IPO7: variants seen among roughly 807,000 people sequenced by gnomAD.
IPO7 encodes importin-7.
IPO7 carries 13 observed loss-of-function variants against 136.4 expected under a neutral mutation model. The observed-to-expected ratio is 0.10, with a 90% CI of 0.06 to 0.15. The LOEUF (loss-of-function observed/expected upper bound fraction) is 0.15. IPO7 is among the 10% of genes least tolerant of loss of function. The pLI, the probability that IPO7 is intolerant of heterozygous loss-of-function variation, is 1.00. For synonymous variants in IPO7, 403 were observed against 404.4 expected, an observed-to-expected ratio of 1.00 and a Z score of 0.04; for missense variants, 857 against 1,240.6, an observed-to-expected ratio of 0.69 and a Z score of 4.65.
At position 9,414,250 on chromosome 11, in the gene IPO7, C is replaced by T. The variant is rs761000496; in HGVS notation, c.480-5C>T. ...TACAGAATTAGTTTGTATTCCTACT[C>T]AAAGGTATAAAAAACCAGAGGAGCG... On this transcript the variant is annotated splice_polypyrimidine_tract_variant and splice_region_variant and intron_variant, in intron 4 of 24. Coordinates refer to ENST00000379719, the MANE Select transcript of IPO7 (RefSeq NM_006391.3). 3.1e-6 allele frequency: 5 copies of T among 1,601,058 alleles called. No homozygotes were observed. The South Asian group carries it at 5.6e-5, about 18-fold the overall frequency.
At chr11:9,411,167 A>G (rs569418719) in intron 4 of IPO7, among the ~76,000 whole-genome samples, 43 of 152,338 alleles carry the variant, frequency 2.8e-4, no homozygotes, top group South Asian at 1.2e-3. Flanking sequence ...CTCCTGTCCC[A>G]TAATCTTAGC....
intron 4 of IPO7, among the ~76,000 whole-genome samples, chr11:9,412,281 A>C (rs1854977489): frequency 6.6e-6 from 1 of 152,198 alleles, no homozygotes; most frequent in Non-Finnish European, 1.5e-5. Context: ...GAAAAAAAAT[A>C]GCTTTTAAAA....
chr11:9,412,080 T>G (rs1216338407), intron 4 of IPO7, among the ~76,000 whole-genome samples: 1 of 152,246 alleles, frequency 6.6e-6, no homozygotes. Context: ...ATTGTTATTT[T>G]GTCAACTCAA....
At chr11:9,440,364 TA>T in intron 22 of IPO7, 90 bp from the exon 23 acceptor site, 1 of 1,004,936 alleles carries the variant, frequency 1.0e-6, no homozygotes, top group Non-Finnish European at 1.5e-6. Flanking sequence ...TTGTGACTTG[TA>T]ATTTACTGAC....
chr11:9,395,778 G>A lies in IPO7; in HGVS notation c.85-7512G>A, dbSNP rs763499014. Among the ~76,000 whole-genome samples, 14 of 150,838 alleles carry A rather than the reference G, an allele frequency of 9.3e-5. 1 individual carries two copies. The highest frequency in any genetic ancestry group is 1.5e-4 in the African/African-American group (6 of 41,024). On this transcript the variant is annotated intron_variant, in intron 1 of 24. Coordinates refer to ENST00000379719, the MANE Select transcript of IPO7 (RefSeq NM_006391.3). ...GTTCCCCAGGCTGAAGTGCAATGGC[G>A]CAATCTCGGCTCACTGCAACCTCTG...
In IPO7 at chr11:9,419,736, T is replaced by A. The variant is rs1855100708; in HGVS notation, c.727-675T>A. 2.0e-5 allele frequency among the ~76,000 whole-genome samples: 3 copies of A among 151,550 alleles called. No homozygotes were observed. In the South Asian group the frequency reaches 6.2e-4, roughly 31 times the overall value. On this transcript the variant is annotated intron_variant, in intron 6 of 24. Coordinates refer to ENST00000379719, the MANE Select transcript of IPO7 (RefSeq NM_006391.3). ...TTTTTTACCATTACAAATAATATGA[T>A]AATTAATATTCTCATACACAAATCG... is the stretch of plus-strand genomic sequence containing the variant.
chr11:9,437,687 A>T, intron 20 of IPO7, 67 bp from the exon 21 acceptor site: 1 of 1,172,544 alleles, frequency 8.5e-7, no homozygotes, highest in East Asian at 2.5e-5. Context: ...CAAAGAAGTT[A>T]ATATTTTTAG....
intron 19 of IPO7, 60 bp from the exon 20 acceptor site, chr11:9,436,211 A>G (rs1855365803): frequency 8.4e-6 from 10 of 1,196,822 alleles, no homozygotes; most frequent in Non-Finnish European, 9.9e-6. Context: ...TGTTTCCTTG[A>G]TTTAGATACC....
Position 9,433,558 on chromosome 11 carries a change from C to G in IPO7, c.1882-12C>G, listed in dbSNP as rs775242618. ...GCTGTAACTGCATATGATTTTTTTT[C>G]TTCTCTTTTAGATAACCCAACAGCT... On this transcript the variant is annotated splice_polypyrimidine_tract_variant and intron_variant, in intron 16 of 24. Coordinates refer to ENST00000379719, the MANE Select transcript of IPO7 (RefSeq NM_006391.3). The G allele has an allele frequency of 1.2e-6, 2 of 1,603,734 alleles. No individual in the cohort carries two copies. Among genetic ancestry groups the G allele is most frequent in the Non-Finnish European group, 1.7e-6 (2 of 1,174,490 alleles).
Position 9,433,806 on chromosome 11 carries a change from A to G in IPO7, c.2034A>G (p.Val678=), listed in dbSNP as rs766318014. ...AGATGTGGCAGCTACTACCCCTTGT[A>G]TTTGAAGTCTTTCAGCAAGATGGCT... is the stretch of plus-strand genomic sequence containing the variant. ...SPQMWQLLPL[V]FEVFQQDGFD... is the part of the protein sequence containing the mutation. Residue 678 remains valine (V), a synonymous_variant, in exon 18 of 25, where the codon GTA becomes GTG. Coordinates refer to ENST00000379719, the MANE Select transcript of IPO7 (RefSeq NM_006391.3). 1.9e-6 allele frequency: 3 copies of G among 1,611,598 alleles called. No individual in the cohort carries two copies. Among genetic ancestry groups the G allele is most frequent in the Admixed American group, 3.3e-5 (2 of 59,990 alleles).
chr11:9,435,336 G>A (rs1203859688), intron 19 of IPO7, among the ~76,000 whole-genome samples: 1 of 152,186 alleles, frequency 6.6e-6, no homozygotes, highest in Non-Finnish European at 1.5e-5. Flanking sequence ...TTTTTGAAAG[G>A]ATTAGGAATG....
intron 8 of IPO7, 32 bp downstream of exon 8, chr11:9,420,730 A>T (rs758507431): frequency 1.4e-6 from 2 of 1,391,236 alleles, no homozygotes; most frequent in Admixed American, 1.7e-5. Flanking sequence ...CTCAGTGGAA[A>T]CATGGCATCT....
At chr11:9,395,533 C>T (rs1393394976) in intron 1 of IPO7, among the ~76,000 whole-genome samples, 1 of 152,168 alleles carries the variant, frequency 6.6e-6, no homozygotes, top group African/African-American at 2.4e-5. Flanking sequence ...GCCACCGCCC[C>T]CGGCCCTCAC....
intron 1 of IPO7, among the ~76,000 whole-genome samples, chr11:9,390,732 G>A (rs1035967050): frequency 6.7e-5 from 10 of 149,186 alleles, no homozygotes; most frequent in Admixed American, 6.0e-4. Context: ...GAAGAGGATC[G>A]CTCGTCCAGG....
intron 8 of IPO7, 143 bp downstream of exon 8, chr11:9,420,841 C>G (rs12418581): frequency 1.7e-6 from 1 of 600,526 alleles, no homozygotes; most frequent in Non-Finnish European, 3.0e-6. Context: ...GTCTCAGGAT[C>G]TCTTTATGTT....
chr11:9,419,545 TA>T (rs1178586532), intron 6 of IPO7, among the ~76,000 whole-genome samples: 9,604 of 91,612 alleles, frequency 0.1, 602 homozygotes, highest in Non-Finnish European at 0.14. Context: ...AGACTCTGTC[TA>T]AAAAAAAAAA....
At chr11:9,437,236 G>A (rs1049184265) in intron 20 of IPO7, among the ~76,000 whole-genome samples, 2 of 150,618 alleles carry the variant, frequency 1.3e-5, no homozygotes, top group Admixed American at 1.3e-4. Context: ...ATATCATCGT[G>A]AGCTTTTATT....
chr11:9,442,098 C>G lies in IPO7; in HGVS notation c.2920C>G (p.Pro974Ala). The G allele has an allele frequency of 6.3e-7, 1 of 1,578,820 alleles. No homozygotes were observed. The highest frequency in any genetic ancestry group is 8.7e-7 in the Non-Finnish European group (1 of 1,149,226). ...AIFQTIQNRN[P>A]VWYQALTHGL... ...TTTGATAGCTATTCAAAATCGTAAT[C>G]CTGTGTGGTATCAGGCACTGACTCA... Residue 974 changes from proline (P) to alanine (A), a missense_variant, in exon 24 of 25, where the codon CCT becomes GCT. Pro to Ala is a conservative substitution (Grantham distance 27). Coordinates refer to ENST00000379719, the MANE Select transcript of IPO7 (RefSeq NM_006391.3).
chr11:9,428,601 G>A lies in IPO7; in HGVS notation c.1397G>A (p.Ser466Asn), dbSNP rs749455274. 4 of 1,577,874 alleles carry A rather than the reference G, an allele frequency of 2.5e-6. No homozygotes were observed. In the South Asian group the frequency reaches 4.4e-5, roughly 18 times the overall value. The change falls in exon 13 of 25, where the codon AGC (serine) becomes AAC (asparagine). Residue 466 changes from serine (S) to asparagine (N), a missense_variant. By Grantham distance (46) the Ser-to-Asn change is conservative. This residue lies in a region of IPO7 where 127 missense variants were observed against 222.4 expected (regional missense o/e 0.57). Transcript: ENST00000379719. ...CAGAATCATGTATTCCCTCTCTTCAGCAGTGAACTAGGCTACATGAGAGCA... is the reference window on the plus strand; with the variant it reads ...CAGAATCATGTATTCCCTCTCTTCAACAGTGAACTAGGCTACATGAGAGCA... ...MLQNHVFPLFSSELGYMRARA... is the reference protein window; with the variant it reads ...MLQNHVFPLFNSELGYMRARA...
Sources: allele counts gnomAD v4.1 joint callset (sites outside exome capture counted in the v4.1 genomes callset), GRCh38; gene constraint gnomAD v4.1.1; regional missense constraint gnomAD v4.1.1; transcripts MANE v1.5; gene names NCBI Gene and HGNC (gene_info 2026-07-23, HGNC 2026-07-21).